The following ELMOD1 variants were observed in gnomAD, a reference collection of about 807,000 sequenced individuals.
The protein encoded by ELMOD1 is ELMO domain containing 1.
A neutral mutation model predicts 46.7 loss-of-function variants in ELMOD1; 21 were observed. The observed-to-expected ratio is 0.45, with a 90% CI of 0.32 to 0.65. ELMOD1 has a LOEUF of 0.65. Ranked by LOEUF, ELMOD1 falls within the 30% of genes least tolerant of loss-of-function variation. The pLI is 0.04. For synonymous variants in ELMOD1, 122 were observed against 138.2 expected, an observed-to-expected ratio of 0.88 and a Z score of 0.82; for missense variants, 348 against 407.8, an observed-to-expected ratio of 0.85 and a Z score of 1.26.
intron 6 of ELMOD1, among the ~76,000 whole-genome samples, chr11:107,645,694 T>C (rs773016106): frequency 6.6e-6 from 1 of 152,246 alleles, no homozygotes; most frequent in Non-Finnish European, 1.5e-5. Flanking sequence ...AGATTTTGTA[T>C]ATTCATGCTT....
intron 6 of ELMOD1, among the ~76,000 whole-genome samples, chr11:107,645,706 A>G (rs1866417220): frequency 6.6e-6 from 1 of 151,942 alleles, no homozygotes; most frequent in African/African-American, 2.4e-5. Flanking sequence ...TTCATGCTTG[A>G]TATTTTGCTT....
chr11:107,635,628 C>T lies in ELMOD1; in HGVS notation c.291-8C>T, dbSNP rs774281259. ...CTTGTGTGTCTCTTCTGTTTTTGAA[C>T]ACCCTAGGCTGGGAATCTCTCTTCA... On this transcript the variant is annotated splice_region_variant and splice_polypyrimidine_tract_variant and intron_variant, in intron 5 of 11. Coordinates refer to ENST00000265840, the MANE Select transcript of ELMOD1 (RefSeq NM_018712.4). 4 of 1,605,210 alleles carry T rather than the reference C, an allele frequency of 2.5e-6. No individual in the cohort carries two copies. Among genetic ancestry groups the T allele is most frequent in the Non-Finnish European group, 3.4e-6 (4 of 1,177,080 alleles).
rs564646600 is a variant in ELMOD1 at position 107,662,877 on chromosome 11, C to T, written c.833-2148C>T. 1.2e-4 allele frequency among the ~76,000 whole-genome samples: 19 copies of T among 152,030 alleles called. 1 individual carries two copies. The South Asian group carries it at 1.9e-3, about 15-fold the overall frequency. ...CTGTGCTCCAGCCTGGGCAACAGAG[C>T]GAGACCCTGTCTCAAAAAAAATTTT... On this transcript the variant is annotated intron_variant, in intron 11 of 11. Transcript: ENST00000265840.
intron 11 of ELMOD1, among the ~76,000 whole-genome samples, chr11:107,656,387 C>A (rs936232639): frequency 2.8e-5 from 4 of 143,656 alleles, no homozygotes; most frequent in African/African-American, 7.8e-5. Context: ...GACTCCATCT[C>A]AAAAAAAATG....
chr11:107,648,328 T>C (rs1173908583), intron 7 of ELMOD1, among the ~76,000 whole-genome samples: 1 of 152,228 alleles, frequency 6.6e-6, no homozygotes, highest in Non-Finnish European at 1.5e-5. Flanking sequence ...CTGTAATATG[T>C]CCCATGGTCT....
intron 9 of ELMOD1, 147 bp downstream of exon 9, chr11:107,651,055 G>T: frequency 2.2e-6 from 1 of 457,102 alleles, no homozygotes; most frequent in Non-Finnish European, 3.5e-6. Context: ...AATTATAGCT[G>T]GGCTATGTTT....
intron 11 of ELMOD1, among the ~76,000 whole-genome samples, chr11:107,658,828 G>A (rs897488240): frequency 2.6e-5 from 4 of 152,194 alleles, no homozygotes; most frequent in South Asian, 2.1e-4. Flanking sequence ...CCAGCTACTC[G>A]GGAGGCTGAG....
intron 10 of ELMOD1, among the ~76,000 whole-genome samples, chr11:107,654,428 A>G (rs765184744): frequency 2.0e-5 from 3 of 152,212 alleles, no homozygotes; most frequent in Non-Finnish European, 4.4e-5. Flanking sequence ...ACAACTGACA[A>G]GGTAGAAAGT....
chr11:107,639,570 G>A (rs1295225652), intron 6 of ELMOD1, among the ~76,000 whole-genome samples: 1 of 152,136 alleles, frequency 6.6e-6, no homozygotes, highest in Non-Finnish European at 1.5e-5. Context: ...GCTCTGGCTC[G>A]AGGGCAGATG....
intron 9 of ELMOD1, chr11:107,653,853 C>G (rs374126774): frequency 4.1e-6 from 1 of 244,530 alleles, no homozygotes; most frequent in Non-Finnish European, 8.0e-6. Context: ...GAGAGTGAGG[C>G]GACATCTAGT....
At chr11:107,635,914 C>A in intron 6 of ELMOD1, 149 bp downstream of exon 6, 1 of 761,174 alleles carries the variant, frequency 1.3e-6, no homozygotes, top group Non-Finnish European at 1.9e-6. Context: ...CAAGTTTTCT[C>A]GCTGGTTCAG....
chr11:107,649,099 T>C (rs1204172336), intron 7 of ELMOD1, among the ~76,000 whole-genome samples: 1 of 152,206 alleles, frequency 6.6e-6, no homozygotes, highest in Non-Finnish European at 1.5e-5. Context: ...TTTAATGTAA[T>C]ATTAATGAAT....
intron 1 of ELMOD1, among the ~76,000 whole-genome samples, chr11:107,596,130 A>G (rs12293198): frequency 0.12 from 18,335 of 152,058 alleles, 1,352 homozygotes; most frequent in African/African-American, 0.21. Flanking sequence ...GACTTGGGTA[A>G]TTAGAATGCT....
intron 2 of ELMOD1, among the ~76,000 whole-genome samples, chr11:107,622,751 T>C (rs374795158): frequency 5.3e-5 from 8 of 152,296 alleles, no homozygotes; most frequent in African/African-American, 1.7e-4. Context: ...TAGCATTGCT[T>C]GAGGCATTGA....
At chr11:107,591,895 C>T in intron 1 of ELMOD1, 1 of 493,596 alleles carries the variant, frequency 2.0e-6, no homozygotes, top group Non-Finnish European at 4.2e-6. Flanking sequence ...GTGGGGTCCT[C>T]CGCGCAGCGA....
chr11:107,617,482 G>A (rs1024660978), intron 1 of ELMOD1, among the ~76,000 whole-genome samples: 1 of 152,166 alleles, frequency 6.6e-6, no homozygotes, highest in African/African-American at 2.4e-5. Flanking sequence ...AAAGGAAGAA[G>A]GCTGATAACC....
At chr11:107,651,984 A>C (rs1454994803) in intron 9 of ELMOD1, among the ~76,000 whole-genome samples, 1 of 152,234 alleles carries the variant, frequency 6.6e-6, no homozygotes, top group Non-Finnish European at 1.5e-5. Context: ...CTTACTTAAA[A>C]AGAGACTAGC....
chr11:107,655,831 A>T, intron 10 of ELMOD1, 102 bp from the exon 11 acceptor site: 1 of 1,258,440 alleles, frequency 7.9e-7, no homozygotes, highest in Non-Finnish European at 1.1e-6. Context: ...TGGCATTTGT[A>T]CACTGTCGTG....
intron 6 of ELMOD1, among the ~76,000 whole-genome samples, chr11:107,645,276 G>A (rs993778251): frequency 3.3e-5 from 5 of 150,588 alleles, no homozygotes; most frequent in African/African-American, 4.9e-5. Flanking sequence ...CCCCAATGAC[G>A]ATCACCTGGT....
Sources: gnomAD v4.1 joint callset for allele counts (sites outside exome capture counted in the v4.1 genomes callset) on GRCh38, gnomAD v4.1.1 for gene constraint, MANE v1.5 for transcripts, NCBI Gene and HGNC (gene_info 2026-07-23, HGNC 2026-07-21) for gene names.